The following POC5 variants were observed in gnomAD, a reference collection of about 807,000 sequenced individuals.
The protein encoded by POC5 is centrosomal protein POC5.
Under a neutral mutation model 62.9 loss-of-function variants are expected in POC5, and 48 were observed. The ratio of observed to expected loss-of-function variants is 0.76; its 90% CI spans 0.61 to 0.97. The LOEUF (loss-of-function observed/expected upper bound fraction) is 0.97, where lower values mean the gene tolerates loss of function less well. Among genes scored for constraint, POC5 ranks in the 50% least tolerant of loss-of-function variants. POC5 has a pLI of 0.00. For synonymous variants in POC5, 236 were observed against 228.2 expected (o/e 1.03, Z -0.31); for missense variants, 696 against 679.5 (o/e 1.02, Z -0.27).
chr5:75,698,175 C>A (rs1776696506), intron 5 of POC5, among the ~76,000 whole-genome samples: 3 of 137,814 alleles, frequency 2.2e-5, no homozygotes, highest in Admixed American at 7.3e-5. Flanking sequence ...AGAAAGTCAA[C>A]AAGGATACCC....
chr5:75,678,294 A>G (rs1775751282), intron 10 of POC5, among the ~76,000 whole-genome samples: 1 of 152,144 alleles, frequency 6.6e-6, no homozygotes, highest in Non-Finnish European at 1.5e-5. Flanking sequence ...CATCTGACAT[A>G]ATTAGAATAT....
chr5:75,716,946 C>A (rs1742617304), intron 1 of POC5, among the ~76,000 whole-genome samples: 1 of 152,208 alleles, frequency 6.6e-6, no homozygotes, highest in South Asian at 2.1e-4. Flanking sequence ...AGGAGAAAAG[C>A]CATTGCAGTA....
chr5:75,713,497 T>C (rs1452123242), intron 1 of POC5, among the ~76,000 whole-genome samples: 1 of 152,246 alleles, frequency 6.6e-6, no homozygotes, highest in Non-Finnish European at 1.5e-5. Flanking sequence ...ACTATCTGAA[T>C]ACCAGTAATA....
intron 2 of POC5, among the ~76,000 whole-genome samples, chr5:75,708,498 A>G (rs1364314026): frequency 3.9e-5 from 6 of 152,064 alleles, no homozygotes; most frequent in Non-Finnish European, 8.8e-5. Context: ...TTTGGAACTG[A>G]AAAAAAATTA....
intron 4 of POC5, 155 bp from the exon 5 acceptor site, chr5:75,702,965 A>C (rs1178548257): frequency 1.6e-6 from 1 of 630,830 alleles, no homozygotes; most frequent in African/African-American, 1.8e-5. Context: ...ATCTATTTTT[A>C]ATTTCAGTAT....
At chr5:75,698,012 A>C (rs1296224943) in intron 5 of POC5, among the ~76,000 whole-genome samples, 1 of 144,390 alleles carries the variant, frequency 6.9e-6, no homozygotes, top group Admixed American at 7.0e-5. Flanking sequence ...CAACAAGAAG[A>C]GCTAACTATC....
intron 11 of POC5, among the ~76,000 whole-genome samples, chr5:75,676,953 A>G (rs997984278): frequency 6.6e-6 from 1 of 152,270 alleles, no homozygotes; most frequent in South Asian, 2.1e-4. Context: ...CATTTGTAGG[A>G]AATAATTCAG....
chr5:75,694,028 A>C (rs1776454164), intron 6 of POC5, among the ~76,000 whole-genome samples: 1 of 152,132 alleles, frequency 6.6e-6, no homozygotes, highest in Admixed American at 6.6e-5. Flanking sequence ...AGATGCTTAA[A>C]CCCAAGCATG....
At chr5:75,680,306 G>A (rs1579999266) in intron 10 of POC5, among the ~76,000 whole-genome samples, 1 of 152,200 alleles carries the variant, frequency 6.6e-6, no homozygotes, top group Non-Finnish European at 1.5e-5. Flanking sequence ...GGAGCTTCAG[G>A]TGTGAATGAA....
Sources: gnomAD v4.1 joint callset for allele counts (sites outside exome capture counted in the v4.1 genomes callset) on GRCh38, gnomAD v4.1.1 for gene constraint, MANE v1.5 for transcripts, NCBI Gene and HGNC (gene_info 2026-07-23, HGNC 2026-07-21) for gene names.